The following TBC1D19 variants were observed in gnomAD, a reference collection of about 807,000 sequenced individuals.
TBC1D19 encodes TBC1 domain family member 19.
In TBC1D19, 60 loss-of-function variants were observed where a neutral mutation model predicts 89.0. The observed-to-expected ratio is 0.67, with a 90% CI of 0.55 to 0.84. The LOEUF (loss-of-function observed/expected upper bound fraction) is 0.84. TBC1D19 is among the 40% of genes least tolerant of loss of function. The pLI, the probability that TBC1D19 is intolerant of heterozygous loss-of-function variation, is 0.00. For synonymous variants in TBC1D19, 189 were observed against 199.7 expected (o/e 0.95, Z 0.45); for missense variants, 500 against 610.8 (o/e 0.82, Z 1.91).
At chr4:26,735,543 C>A in intron 16 of TBC1D19, 56 bp downstream of exon 16, 1 of 1,395,996 alleles carries the variant, frequency 7.2e-7, no homozygotes, top group Middle Eastern at 1.9e-4. Flanking sequence ...TGTTATCTGT[C>A]AATTTAAAAA....
intron 4 of TBC1D19, among the ~76,000 whole-genome samples, chr4:26,628,344 G>C (rs1439232369): frequency 6.6e-6 from 1 of 151,986 alleles, no homozygotes; most frequent in Non-Finnish European, 1.5e-5. Flanking sequence ...TTGTTCTTTT[G>C]GCTTAGGATT....
At chr4:26,826,886 A>C in the TBC1D19 span, among the ~76,000 whole-genome samples, 1 of 152,028 alleles carries the variant, frequency 6.6e-6, no homozygotes, top group Non-Finnish European at 1.5e-5. Flanking sequence ...AGAAATAATA[A>C]CTGTTATGAA....
At chr4:26,789,999 A>G in the TBC1D19 span, among the ~76,000 whole-genome samples, 2 of 152,366 alleles carry the variant, frequency 1.3e-5, no homozygotes, top group Admixed American at 6.5e-5. Context: ...ACAGACATAC[A>G]GCGTGAAATA....
At chr4:26,603,855 A>G (rs745371952) in intron 1 of TBC1D19, among the ~76,000 whole-genome samples, 1 of 152,216 alleles carries the variant, frequency 6.6e-6, no homozygotes, top group Admixed American at 6.5e-5. Flanking sequence ...TATACAGTTC[A>G]TTGTCATTAA....
rs114912868 is a variant in TBC1D19, at chr4:26,687,113, T to C, written c.892-1232T>C. Among the ~76,000 whole-genome samples the C allele has an allele frequency of 7.7e-3, 1,179 of 152,302 alleles. 10 individuals carry two copies. The highest frequency in any genetic ancestry group is 0.027 in the African/African-American group (1,112 of 41,580). ...CTTGTTGAATTGATTATATATTGGG[T>C]CTAAAAGCATGGTATAGTTACATCT... On this transcript the variant is annotated intron_variant, in intron 12 of 20. Coordinates refer to ENST00000264866, the MANE Select transcript of TBC1D19 (RefSeq NM_018317.4).
chr4:26,787,167 A>G, the TBC1D19 span, among the ~76,000 whole-genome samples: 4 of 150,138 alleles, frequency 2.7e-5, no homozygotes, highest in Admixed American at 6.6e-5. Flanking sequence ...CAGTGGTGCA[A>G]TCTTGGCTCA....
intron 1 of TBC1D19, among the ~76,000 whole-genome samples, chr4:26,608,025 AGT>A (rs1213829984): frequency 1.3e-5 from 2 of 152,236 alleles, no homozygotes; most frequent in African/African-American, 4.8e-5. Flanking sequence ...ATGTAAGGCA[AGT>A]GAACTTGTCA....
chr4:26,677,190 C>G (rs911890074), intron 11 of TBC1D19, among the ~76,000 whole-genome samples: 2 of 152,072 alleles, frequency 1.3e-5, no homozygotes, highest in Non-Finnish European at 2.9e-5. Context: ...CTCAATAATT[C>G]CTTCTTGATT....
rs763972269 is a variant in TBC1D19 at position 26,742,501 on chromosome 4, T to A, written c.1228-7T>A. 31 of 1,584,462 alleles carry A rather than the reference T, an allele frequency of 2.0e-5. 1 individual carries two copies. In the South Asian group the frequency reaches 3.6e-4, roughly 18 times the overall value. On this transcript the variant is annotated splice_region_variant and splice_polypyrimidine_tract_variant and intron_variant, in intron 17 of 20. Transcript: ENST00000264866. Reference sequence around the variant, plus strand: ...CTATTTCTCTTATGATTCATTATTGTATCCAGGGTATTGTGTCACTCTGTC... The same window carrying A: ...CTATTTCTCTTATGATTCATTATTGAATCCAGGGTATTGTGTCACTCTGTC...
At position 26,756,031 on chromosome 4, in the gene TBC1D19, A is replaced by T. The variant is rs1719245676; in HGVS notation, c.*1084A>T. On this transcript the variant is annotated 3_prime_UTR_variant, in exon 21 of 21. Transcript: ENST00000264866. ...TTAAGATGCTGATCACTTCACTAAA[A>T]CTGTAAATCAGTAGATTGATACGCT... Among the ~76,000 whole-genome samples the T allele has an allele frequency of 6.6e-6, 1 of 152,198 alleles. No homozygotes were observed. The highest frequency in any genetic ancestry group is 6.5e-5 in the Admixed American group (1 of 15,280).
intron 6 of TBC1D19, 101 bp from the exon 7 acceptor site, chr4:26,640,040 A>G (rs1743393273): frequency 1.2e-6 from 1 of 801,348 alleles, no homozygotes; most frequent in Non-Finnish European, 2.0e-6. Flanking sequence ...GTTTGAATTA[A>G]TCTATCTGTA....
intron 7 of TBC1D19, among the ~76,000 whole-genome samples, chr4:26,656,910 A>AT (rs1161254454): frequency 4.7e-5 from 7 of 147,774 alleles, no homozygotes; most frequent in East Asian, 4.0e-4. Flanking sequence ...TGCTTTTCAA[A>AT]TTTTTTTTTT....
chr4:26,644,069 T>C (rs2110085963), intron 7 of TBC1D19, among the ~76,000 whole-genome samples: 1 of 152,300 alleles, frequency 6.6e-6, no homozygotes, highest in Admixed American at 6.5e-5. Flanking sequence ...CCTTAACTCA[T>C]TTTATGACAC....
At chr4:26,854,740 T>C in the TBC1D19 span, among the ~76,000 whole-genome samples, 18 of 151,570 alleles carry the variant, frequency 1.2e-4, no homozygotes, top group African/African-American at 4.4e-4. Flanking sequence ...TTTTTTTTTT[T>C]TTTTTTCCTC....
At chr4:26,583,590 T>C (rs942134570), upstream of TBC1D19, among the ~76,000 whole-genome samples, 6 of 152,188 alleles carry the variant, frequency 3.9e-5, no homozygotes, top group Non-Finnish European at 7.3e-5. Flanking sequence ...CTCTAGAGAA[T>C]AGAAACGAGA....
At chr4:26,847,233 T>C in the TBC1D19 span, among the ~76,000 whole-genome samples, 1 of 152,050 alleles carries the variant, frequency 6.6e-6, no homozygotes, top group African/African-American at 2.4e-5. Context: ...AGACGGACAA[T>C]ATTATAAGCT....
At chr4:26,653,758 T>A (rs535844743) in intron 7 of TBC1D19, among the ~76,000 whole-genome samples, 1 of 152,184 alleles carries the variant, frequency 6.6e-6, no homozygotes, top group Non-Finnish European at 1.5e-5. Flanking sequence ...ATTTTGAGCC[T>A]ATGTGTGTCT....
At chr4:26,626,736 C>T (rs1001428151) in intron 4 of TBC1D19, among the ~76,000 whole-genome samples, 2 of 151,958 alleles carry the variant, frequency 1.3e-5, no homozygotes, top group African/African-American at 2.4e-5. Context: ...AGTTCTCACC[C>T]TCTTCCTAAT....
intron 16 of TBC1D19, among the ~76,000 whole-genome samples, chr4:26,737,436 T>A (rs1718114846): frequency 6.6e-6 from 1 of 152,150 alleles, no homozygotes; most frequent in Non-Finnish European, 1.5e-5. Context: ...AGTAAATCGT[T>A]TTTGGAAGTT....
Sources: allele counts gnomAD v4.1 joint callset (sites outside exome capture counted in the v4.1 genomes callset), GRCh38; gene constraint gnomAD v4.1.1; transcripts MANE v1.5; gene names NCBI Gene and HGNC (gene_info 2026-07-23, HGNC 2026-07-21).